ANAPC10: variants seen among roughly 807,000 people sequenced by gnomAD.
ANAPC10 encodes anaphase promoting complex subunit 10, also known as anaphase-promoting complex subunit 10.
ANAPC10 carries 12 observed loss-of-function variants against 22.0 expected under a neutral mutation model. The ratio of observed to expected loss-of-function variants is 0.55; its 90% CI spans 0.35 to 0.88. ANAPC10 has a LOEUF of 0.88. ANAPC10 is among the 40% of genes least tolerant of loss of function. The pLI is 0.01. For synonymous variants in ANAPC10, 65 were observed against 69.5 expected, an observed-to-expected ratio of 0.94 and a Z score of 0.32; for missense variants, 188 against 220.9, an observed-to-expected ratio of 0.85 and a Z score of 0.94.
chr4:144,995,650 A>C lies in ANAPC10; in HGVS notation c.328-47T>G. The C allele has an allele frequency of 2.4e-6, 3 of 1,270,270 alleles. 1 individual carries two copies. In the South Asian group the frequency reaches 4.1e-5, roughly 17 times the overall value. 78.7% of individuals were successfully genotyped at this position (1,270,270 alleles called of 1,614,324 possible). A position where few individuals can be genotyped will look rare whatever the true frequency, so the allele number is the denominator to read the frequency against. On this transcript the variant is annotated intron_variant, in intron 4 of 4. Transcript: ENST00000507656. Reference sequence around the variant, plus strand: ...GATTATGCTTTTATTCAACAAATATAATTTATAACAATGAATGCATTCTAT... The same window carrying C: ...GATTATGCTTTTATTCAACAAATATCATTTATAACAATGAATGCATTCTAT...
At chr4:145,002,160 T>C (rs1461516761) in intron 4 of ANAPC10, among the ~76,000 whole-genome samples, 1 of 152,166 alleles carries the variant, frequency 6.6e-6, no homozygotes, top group Non-Finnish European at 1.5e-5. Flanking sequence ...CAGCAGATTC[T>C]AGAATTTTAA....
chr4:145,048,899 A>C (rs1740699888), intron 4 of ANAPC10, among the ~76,000 whole-genome samples: 1 of 152,160 alleles, frequency 6.6e-6, no homozygotes, highest in Non-Finnish European at 1.5e-5. Context: ...CTTTGAGATA[A>C]AGTTTTAAAG....
chr4:145,084,480 C>T (rs1428846718), intron 2 of ANAPC10, among the ~76,000 whole-genome samples: 1 of 152,020 alleles, frequency 6.6e-6, no homozygotes, highest in Admixed American at 6.6e-5. Context: ...ATCACACAGA[C>T]CAGGGGTGTC....
intron 3 of ANAPC10, among the ~76,000 whole-genome samples, chr4:145,065,890 G>C (rs1437271868): frequency 6.6e-6 from 1 of 151,900 alleles, no homozygotes; most frequent in Admixed American, 6.6e-5. Context: ...CGTGGGATGG[G>C]ACCATAGGAG....
chr4:145,013,396 G>T (rs1734650558), intron 4 of ANAPC10, among the ~76,000 whole-genome samples: 2 of 151,934 alleles, frequency 1.3e-5, no homozygotes, highest in South Asian at 4.2e-4. Context: ...CCAATGTAAT[G>T]ACTTTGTTAA....
At chr4:145,093,663 T>C (rs1748055497) in intron 2 of ANAPC10, among the ~76,000 whole-genome samples, 1 of 151,424 alleles carries the variant, frequency 6.6e-6, no homozygotes. Context: ...ATGGAAGAGC[T>C]ACAAATAAAA....
At chr4:145,073,372 T>C (rs1744755571) in intron 3 of ANAPC10, among the ~76,000 whole-genome samples, 1 of 152,240 alleles carries the variant, frequency 6.6e-6, no homozygotes, top group African/African-American at 2.4e-5. Flanking sequence ...TGTTACCTGA[T>C]ATTTTTTAAA....
chr4:145,071,828 C>T (rs1744530145), intron 3 of ANAPC10, among the ~76,000 whole-genome samples: 1 of 152,134 alleles, frequency 6.6e-6, no homozygotes, highest in African/African-American at 2.4e-5. Context: ...ATTCTCTCAA[C>T]CCACAAAAGC....
intron 3 of ANAPC10, among the ~76,000 whole-genome samples, chr4:145,076,593 G>A (rs1007589536): frequency 2.0e-5 from 3 of 152,126 alleles, no homozygotes; most frequent in Non-Finnish European, 2.9e-5. Flanking sequence ...GTTCTTAACC[G>A]GATTGAAATG....
intron 4 of ANAPC10, among the ~76,000 whole-genome samples, chr4:145,012,118 C>A (rs1734409626): frequency 6.6e-6 from 1 of 150,794 alleles, no homozygotes; most frequent in African/African-American, 2.4e-5. Flanking sequence ...CCTAGAGCAG[C>A]TCTAATAGAA....
At chr4:145,038,820 T>A (rs1437068515) in intron 4 of ANAPC10, among the ~76,000 whole-genome samples, 6 of 61,672 alleles carry the variant, frequency 9.7e-5, no homozygotes, top group African/African-American at 5.0e-4. Context: ...AGACTCTGTC[T>A]CAAAAAAAAA....
At chr4:145,018,375 T>C (rs1276003450) in intron 4 of ANAPC10, among the ~76,000 whole-genome samples, 1 of 151,984 alleles carries the variant, frequency 6.6e-6, no homozygotes, top group Admixed American at 6.6e-5. Flanking sequence ...GGCTCACACC[T>C]ATAATCCCAA....
intron 4 of ANAPC10, among the ~76,000 whole-genome samples, chr4:145,015,524 T>C (rs1734983604): frequency 6.6e-6 from 1 of 152,038 alleles, no homozygotes; most frequent in South Asian, 2.1e-4. Context: ...TTTGGGGGAA[T>C]AATCAAGGAA....
intron 2 of ANAPC10, 72 bp from the exon 3 acceptor site, chr4:145,081,822 CA>C (rs1746064142): frequency 9.6e-7 from 1 of 1,039,288 alleles, no homozygotes; most frequent in Non-Finnish European, 1.5e-6. Flanking sequence ...ATAAAATTAA[CA>C]TATGTATTTG....
At chr4:145,015,977 G>C (rs772648444) in intron 4 of ANAPC10, among the ~76,000 whole-genome samples, 17 of 152,044 alleles carry the variant, frequency 1.1e-4, no homozygotes, top group Non-Finnish European at 1.9e-4. Flanking sequence ...CATCAAAACA[G>C]AACCTCTTTA....
chr4:145,076,213 A>C (rs997562996), intron 3 of ANAPC10, among the ~76,000 whole-genome samples: 7 of 152,192 alleles, frequency 4.6e-5, no homozygotes, highest in Admixed American at 3.9e-4. Context: ...TTGCCAGCAC[A>C]CTGGAAACAC....
chr4:145,028,639 T>G (rs933254215), intron 4 of ANAPC10, among the ~76,000 whole-genome samples: 1 of 152,196 alleles, frequency 6.6e-6, no homozygotes, highest in African/African-American at 2.4e-5. Context: ...CCAAAACTGC[T>G]AAGGACTCTA....
chr4:145,040,228 G>A (rs960276295), intron 4 of ANAPC10, among the ~76,000 whole-genome samples: 3 of 151,504 alleles, frequency 2.0e-5, no homozygotes, highest in Non-Finnish European at 2.9e-5. Context: ...TGGGCTCACC[G>A]CACCTCTGCC....
At position 144,995,373 on chromosome 4, in the gene ANAPC10, T is replaced by C; in HGVS notation, c.558A>G (p.Ter186TrpextTer2). The change falls in exon 5 of 5, where the codon TGA becomes TGG. Residue 186 changes from the stop codon to tryptophan, a stop_lost. Transcript: ENST00000507656. ...TAATGATTTTCGTCTCATTTTAAAG[T>C]CACCTTATTGAACGATACATCATGA... ...IDFMMYRSIR[*>W] 6.3e-7 allele frequency: 1 copy of C among 1,591,886 alleles called. No individual in the cohort carries two copies. The highest frequency in any genetic ancestry group is 8.6e-7 in the Non-Finnish European group (1 of 1,163,272).
Sources: gnomAD v4.1 joint callset for allele counts (sites outside exome capture counted in the v4.1 genomes callset) on GRCh38, gnomAD v4.1.1 for gene constraint, MANE v1.5 for transcripts, NCBI Gene and HGNC (gene_info 2026-07-23, HGNC 2026-07-21) for gene names.